The following FBXO11 variants were observed in gnomAD, a reference collection of about 807,000 sequenced individuals.
FBXO11 encodes the protein F-box protein 11, also known as F-box only protein 11.
In FBXO11, 13 loss-of-function variants were observed where a neutral mutation model predicts 117.0. The ratio of observed to expected loss-of-function variants is 0.11; its 90% CI spans 0.07 to 0.18. The LOEUF (loss-of-function observed/expected upper bound fraction) is 0.18. Ranked by LOEUF, FBXO11 falls within the 10% of genes least tolerant of loss-of-function variation. The probability of loss-of-function intolerance (pLI) is 1.00; values close to 1 mark genes in which losing one functional copy is unlikely to be tolerated. For synonymous variants in FBXO11, 490 were observed against 380.5 expected (o/e 1.29, Z -3.35); for missense variants, 767 against 1,164.4 (o/e 0.66, Z 4.97).
At chr2:47,877,343 A>T (rs1240204654) in intron 1 of FBXO11, among the ~76,000 whole-genome samples, 1 of 152,170 alleles carries the variant, frequency 6.6e-6, no homozygotes, top group Non-Finnish European at 1.5e-5. Flanking sequence ...CTATAGACTA[A>T]GGATTCACTT....
chr2:47,835,792 C>G (rs979809459), intron 5 of FBXO11, 80 bp downstream of exon 5: 2 of 1,176,856 alleles, frequency 1.7e-6, no homozygotes, highest in Middle Eastern at 3.0e-4. Flanking sequence ...GCCACCACGC[C>G]CAGCCTAAAC....
intron 1 of FBXO11, among the ~76,000 whole-genome samples, chr2:47,846,203 A>G (rs1673394203): frequency 6.6e-6 from 1 of 152,214 alleles, no homozygotes; most frequent in Admixed American, 6.5e-5. Flanking sequence ...GTGGTGGCTC[A>G]TGCCTGTAAA....
intron 1 of FBXO11, among the ~76,000 whole-genome samples, chr2:47,842,453 T>C (rs1673086582): frequency 1.3e-5 from 2 of 152,156 alleles, no homozygotes; most frequent in Admixed American, 1.3e-4. Flanking sequence ...TTTATGTAGG[T>C]TTCTCTACCT....
intron 1 of FBXO11, among the ~76,000 whole-genome samples, chr2:47,844,250 A>C (rs1002581399): frequency 6.6e-6 from 1 of 152,110 alleles, no homozygotes; most frequent in African/African-American, 2.4e-5. Flanking sequence ...TTATCCCTTC[A>C]ATCATTTCAC....
intron 1 of FBXO11, among the ~76,000 whole-genome samples, chr2:47,877,406 T>C (rs1038928544): frequency 4.6e-5 from 7 of 152,226 alleles, no homozygotes; most frequent in African/African-American, 1.7e-4. Context: ...ATAAATACTG[T>C]TTCATGATTC....
Position 47,842,000 on chromosome 2 carries a change from G to A in FBXO11, c.233-2231C>T, listed in dbSNP as rs564600993. 1.9e-4 allele frequency among the ~76,000 whole-genome samples: 28 copies of A among 151,046 alleles called. No homozygotes were observed. In the South Asian group the frequency reaches 4.6e-3, roughly 25 times the overall value. On this transcript the variant is annotated intron_variant, in intron 1 of 22. Coordinates refer to ENST00000403359, the MANE Select transcript of FBXO11 (RefSeq NM_001190274.2). Reference sequence around the variant, plus strand: ...ACAAATGCTTTTAGTGGGGAAGGAGGAGAATATCAGTTTTATTTTTATTTT... The same window carrying A: ...ACAAATGCTTTTAGTGGGGAAGGAGAAGAATATCAGTTTTATTTTTATTTT...
intron 1 of FBXO11, among the ~76,000 whole-genome samples, chr2:47,863,867 G>A (rs886492940): frequency 6.6e-6 from 1 of 151,946 alleles, no homozygotes; most frequent in African/African-American, 2.4e-5. Flanking sequence ...CTTGAACCCT[G>A]GAGGTGGAGG....
intron 1 of FBXO11, among the ~76,000 whole-genome samples, chr2:47,840,257 T>G (rs1236139687): frequency 6.6e-6 from 1 of 151,896 alleles, no homozygotes; most frequent in Non-Finnish European, 1.5e-5. Context: ...AAGACTTTTT[T>G]TTAAAAAAAG....
Position 47,806,982 on chromosome 2 carries a change from T to G in FBXO11, c.*1136A>C. ...TTTTTCCATTTTCTTTCTAGGAAAT[T>G]AAACCCTTTTAATTCTTATCTACCT... is the stretch of plus-strand genomic sequence containing the variant. On this transcript the variant is annotated 3_prime_UTR_variant, in exon 23 of 23. Coordinates refer to ENST00000403359, the MANE Select transcript of FBXO11 (RefSeq NM_001190274.2). The G allele has an allele frequency of 2.6e-6, 2 of 771,898 alleles. No individual in the cohort carries two copies. The highest frequency in any genetic ancestry group is 4.4e-6 in the Non-Finnish European group (2 of 453,104). The allele number at this position is 771,898 out of a possible 1,614,324, so 47.8% of individuals were successfully genotyped here.
chr2:47,898,171 T>TA (rs1385191090), intron 1 of FBXO11, among the ~76,000 whole-genome samples: 1 of 152,332 alleles, frequency 6.6e-6, no homozygotes, highest in Non-Finnish European at 1.5e-5. Context: ...TCGGGGTGTT[T>TA]AAAAAACGTT....
chr2:47,832,335 A>G lies in FBXO11; in HGVS notation c.1398+14T>C, dbSNP rs1558423186. On this transcript the variant is annotated intron_variant, in intron 11 of 22. Coordinates refer to ENST00000403359, the MANE Select transcript of FBXO11 (RefSeq NM_001190274.2). ...ACAGAAGTCCGTTTTTCTATTAAAA[A>G]TAAGTGTTCTTACCATGCCATGATC... 3 of 916,748 alleles carry G rather than the reference A, an allele frequency of 3.3e-6. No homozygotes were observed. In the South Asian group the frequency reaches 6.2e-5, roughly 19 times the overall value. The allele number at this position is 916,748 out of a possible 1,614,324, so 56.8% of individuals were successfully genotyped here. A position where few individuals can be genotyped will look rare whatever the true frequency, so the allele number is the denominator to read the frequency against.
chr2:47,847,386 T>C (rs1673498604), intron 1 of FBXO11, among the ~76,000 whole-genome samples: 1 of 152,154 alleles, frequency 6.6e-6, no homozygotes, highest in African/African-American at 2.4e-5. Context: ...TAACTGCCTA[T>C]CTAAAGAAAG....
chr2:47,885,448 G>A (rs1269594508), intron 1 of FBXO11, among the ~76,000 whole-genome samples: 1 of 152,052 alleles, frequency 6.6e-6, no homozygotes, highest in African/African-American at 2.4e-5. Context: ...GGTGGTGTAT[G>A]CCTGTAATCC....
At chr2:47,832,715 G>C in intron 9 of FBXO11, 37 bp from the exon 10 acceptor site, 1 of 1,607,554 alleles carries the variant, frequency 6.2e-7, no homozygotes, top group African/African-American at 1.3e-5. Context: ...AAAACCTACT[G>C]GGCAACATAC....
At chr2:47,817,155 C>G (rs751909590) in intron 16 of FBXO11, among the ~76,000 whole-genome samples, 8 of 152,216 alleles carry the variant, frequency 5.3e-5, no homozygotes, top group African/African-American at 9.6e-5. Flanking sequence ...TCTATCTCAG[C>G]ATTTGCTGCT....
chr2:47,808,351 C>T lies in FBXO11; in HGVS notation c.2632G>A (p.Val878Ile), dbSNP rs1307861728. 6.2e-7 allele frequency: 1 copy of T among 1,612,330 alleles called. No homozygotes were observed. The highest frequency in any genetic ancestry group is 1.1e-5 in the South Asian group (1 of 90,844). The change falls in exon 22 of 23, where the codon GTA becomes ATA. Residue 878 changes from valine (V) to isoleucine (I), a missense_variant. Coordinates refer to ENST00000403359, the MANE Select transcript of FBXO11 (RefSeq NM_001190274.2). ...CIKKCHQGHD[V>I]EFIRHDRFFC... ...TACCTATCATGTCTAATAAACTCTA[C>T]ATCATGTCCCTGATGGCACTTCTTA...
intron 13 of FBXO11, 104 bp downstream of exon 13, chr2:47,822,114 G>C: frequency 1.3e-6 from 1 of 767,738 alleles, no homozygotes; most frequent in Non-Finnish European, 2.2e-6. Flanking sequence ...TAAAGAGCTG[G>C]ATCAGTGCTT....
chr2:47,848,346 C>A (rs1002287639), intron 1 of FBXO11, among the ~76,000 whole-genome samples: 3 of 152,110 alleles, frequency 2.0e-5, no homozygotes, highest in African/African-American at 2.4e-5. Context: ...AGTGTGAACC[C>A]TATTGTGAAC....
chr2:47,843,948 C>T (rs1673210466), intron 1 of FBXO11, among the ~76,000 whole-genome samples: 1 of 152,026 alleles, frequency 6.6e-6, no homozygotes, highest in African/African-American at 2.4e-5. Flanking sequence ...ACTATGTTGG[C>T]CAGGATGGTC....
Sources: allele counts gnomAD v4.1 joint callset (sites outside exome capture counted in the v4.1 genomes callset), GRCh38; gene constraint gnomAD v4.1.1; transcripts MANE v1.5; gene names NCBI Gene and HGNC (gene_info 2026-07-23, HGNC 2026-07-21).